The following BCR variants were observed in gnomAD, a reference collection of about 807,000 sequenced individuals.
BCR encodes breakpoint cluster region protein.
In BCR, 58 loss-of-function variants were observed where a neutral mutation model predicts 138.6. The observed-to-expected ratio is 0.42, with a 90% CI of 0.34 to 0.52. The LOEUF is 0.52. Ranked by LOEUF, BCR falls within the 20% of genes least tolerant of loss-of-function variation. BCR has a pLI of 0.06. For missense variants in BCR, 1,599 were observed against 1,727.2 expected (o/e 0.93, Z 1.32); for synonymous variants, 786 against 730.1 (o/e 1.08, Z -1.23).
chr22:23,206,963 CTCCCTCCCTCCA>C (rs2072623476), intron 1 of BCR, among the ~76,000 whole-genome samples: 1 of 148,338 alleles, frequency 6.7e-6, no homozygotes, highest in African/African-American at 2.5e-5. Flanking sequence ...CCCTCCCTCC[CTCCCTCCCTCCA>C]TCCATCCATC....
intron 1 of BCR, among the ~76,000 whole-genome samples, chr22:23,216,741 G>A (rs2072757939): frequency 6.6e-6 from 1 of 152,234 alleles, no homozygotes; most frequent in Non-Finnish European, 1.5e-5. Flanking sequence ...GCTGGCATCC[G>A]AGGTGGCCTA....
chr22:23,196,416 C>A (rs1475212294), intron 1 of BCR, among the ~76,000 whole-genome samples: 2 of 152,152 alleles, frequency 1.3e-5, no homozygotes, highest in Non-Finnish European at 2.9e-5. Flanking sequence ...GGAAACCTTA[C>A]ATCTGTCCTG....
chr22:23,231,034 C>G (rs1045582162), intron 1 of BCR, among the ~76,000 whole-genome samples: 1 of 152,210 alleles, frequency 6.6e-6, no homozygotes, highest in African/African-American at 2.4e-5. Flanking sequence ...ATTTCCCCCT[C>G]CATCAAATGA....
intron 16 of BCR, among the ~76,000 whole-genome samples, chr22:23,305,671 GCCAGGCC>G (rs2146323035): frequency 6.6e-6 from 1 of 152,316 alleles, no homozygotes; most frequent in African/African-American, 2.4e-5. Context: ...GCCACCATCT[GCCAGGCC>G]CGCTGACCAT....
At position 23,180,796 on chromosome 22, in the gene BCR, C is replaced by A. The variant is rs1441554546; in HGVS notation, c.-165C>A. On this transcript the variant is annotated 5_prime_UTR_variant, in exon 1 of 23. Transcript: ENST00000305877. ...GCCCCGCGCGCCGAGCGCCCCGCTC[C>A]GCCTCACCTGCCACCAGGGAGTGGG... 4 of 235,542 alleles carry A rather than the reference C, an allele frequency of 1.7e-5. No homozygotes were observed. Among genetic ancestry groups the A allele is most frequent in the Non-Finnish European group, 2.7e-5 (4 of 147,748 alleles). The allele number at this position is 235,542 out of a possible 1,614,324, so 14.6% of individuals were successfully genotyped here.
rs868798370 is a variant in BCR at position 23,202,747 on chromosome 22, G to A, written c.1279+20508G>A. ...TGTGTGTGTGTGTGTGTGTGTGTGT[G>A]TATATATATATATATTTAATCTATC... On this transcript the variant is annotated intron_variant, in intron 1 of 22. Transcript: ENST00000305877. Among the ~76,000 whole-genome samples, 1,195 of 145,218 alleles carry A rather than the reference G, an allele frequency of 8.2e-3. 20 individuals carry two copies. The highest frequency in any genetic ancestry group is 0.028 in the African/African-American group (1,069 of 37,696).
At chr22:23,218,406 AC>A (rs2072781876) in intron 1 of BCR, among the ~76,000 whole-genome samples, 1 of 152,052 alleles carries the variant, frequency 6.6e-6, no homozygotes, top group South Asian at 2.1e-4. Flanking sequence ...ATCCAGGGGA[AC>A]CCCCATTATG....
At chr22:23,300,675 G>C (rs1014353775) in intron 16 of BCR, among the ~76,000 whole-genome samples, 2 of 152,198 alleles carry the variant, frequency 1.3e-5, no homozygotes, top group African/African-American at 4.8e-5. Context: ...GCAGCTGCCA[G>C]GGTGCCACCA....
intron 1 of BCR, among the ~76,000 whole-genome samples, chr22:23,217,371 A>T: frequency 6.6e-6 from 1 of 152,344 alleles, no homozygotes; most frequent in East Asian, 1.9e-4. Context: ...GGAAGAAGAC[A>T]TCCAGAGATA....
chr22:23,300,049 G>A (rs1263080783), intron 16 of BCR, among the ~76,000 whole-genome samples: 1 of 152,196 alleles, frequency 6.6e-6, no homozygotes, highest in Non-Finnish European at 1.5e-5. Context: ...TGTCCCAGGT[G>A]TTTTTAAGTG....
intron 1 of BCR, among the ~76,000 whole-genome samples, chr22:23,205,250 A>G (rs968500541): frequency 8.5e-5 from 13 of 152,206 alleles, no homozygotes; most frequent in African/African-American, 2.9e-4. Context: ...GCATAAGGAC[A>G]GGAAGGATAC....
intron 1 of BCR, among the ~76,000 whole-genome samples, chr22:23,186,511 C>G (rs562113901): frequency 1.2e-4 from 18 of 152,178 alleles, no homozygotes; most frequent in Admixed American, 3.3e-4. Flanking sequence ...TTTTCATCTT[C>G]CCGACTGAAG....
rs1409997230 is a variant in BCR, at chr22:23,214,206, G to T, written c.1279+31967G>T. Among the ~76,000 whole-genome samples the T allele has an allele frequency of 3.1e-3, 426 of 138,316 alleles. 2 individuals carry two copies. The highest frequency in any genetic ancestry group is 9.4e-3 in the African/African-American group (362 of 38,586). 90.7% of individuals were successfully genotyped at this position (138,316 alleles called of 152,430 possible). ...TATCAGCTGGCTGGATGTTTGGTTT[G>T]TTTTTTTTTTTTTGTGAGGGTTAAA... On this transcript the variant is annotated intron_variant, in intron 1 of 22. Coordinates refer to ENST00000305877, the MANE Select transcript of BCR (RefSeq NM_004327.4).
intron 4 of BCR, chr22:23,262,100 C>G (rs2073367311): frequency 2.9e-5 from 1 of 34,682 alleles, no homozygotes; most frequent in Non-Finnish European, 5.3e-5. Context: ...CCATCACACC[C>G]TGTGTGCGCC....
At chr22:23,196,152 G>A (rs2072478859) in intron 1 of BCR, among the ~76,000 whole-genome samples, 1 of 152,150 alleles carries the variant, frequency 6.6e-6, no homozygotes. Flanking sequence ...GTTTAGTAGT[G>A]TTAAGCCTCT....
At chr22:23,190,322 C>T (rs1307461824) in intron 1 of BCR, among the ~76,000 whole-genome samples, 2 of 152,150 alleles carry the variant, frequency 1.3e-5, no homozygotes, top group African/African-American at 2.4e-5. Context: ...TGCCTGCCAA[C>T]ACACCTGGGT....
chr22:23,310,672 G>A (rs1284719028), intron 18 of BCR, among the ~76,000 whole-genome samples: 1 of 152,168 alleles, frequency 6.6e-6, no homozygotes, highest in African/African-American at 2.4e-5. Flanking sequence ...CCAAGTGCAG[G>A]GTTTTCTGCC....
chr22:23,208,728 G>A (rs562136486), intron 1 of BCR, among the ~76,000 whole-genome samples: 3 of 152,118 alleles, frequency 2.0e-5, no homozygotes, highest in African/African-American at 4.8e-5. Context: ...GGTAGCGGGC[G>A]CCTGTAATCC....
intron 16 of BCR, among the ~76,000 whole-genome samples, chr22:23,298,285 G>GGT (rs1335756817): frequency 3.9e-5 from 6 of 152,192 alleles, no homozygotes; most frequent in Non-Finnish European, 5.9e-5. Flanking sequence ...GATGGCGTGG[G>GGT]GTGAGGAATC....
Sources: allele counts gnomAD v4.1 joint callset (sites outside exome capture counted in the v4.1 genomes callset), GRCh38; gene constraint gnomAD v4.1.1; transcripts MANE v1.5; gene names NCBI Gene and HGNC (gene_info 2026-07-23, HGNC 2026-07-21).